Variants in IMPG1 observed in about 807,000 individuals in gnomAD.
The protein encoded by IMPG1 is interphotoreceptor matrix proteoglycan of 150 kDa.
In IMPG1, 85 loss-of-function variants were observed where a neutral mutation model predicts 92.0. That is an observed-to-expected ratio of 0.92 (90% confidence interval 0.78 to 1.11). IMPG1 has a LOEUF of 1.11. IMPG1 is among the 50% of genes least tolerant of loss of function. IMPG1 has a pLI of 0.00. For synonymous variants in IMPG1, 367 were observed against 334.1 expected, an observed-to-expected ratio of 1.10 and a Z score of -1.08; for missense variants, 1,022 against 956.0, an observed-to-expected ratio of 1.07 and a Z score of -0.91.
At chr6:76,029,595 CTG>C (rs1451915820) in intron 4 of IMPG1, among the ~76,000 whole-genome samples, 1 of 152,158 alleles carries the variant, frequency 6.6e-6, no homozygotes, top group Non-Finnish European at 1.5e-5. Flanking sequence ...CAATCTCTGG[CTG>C]CAGCTCAGAA....
At chr6:75,944,698 T>C (rs544326768) in intron 14 of IMPG1, among the ~76,000 whole-genome samples, 1 of 152,382 alleles carries the variant, frequency 6.6e-6, no homozygotes, top group East Asian at 1.9e-4. Flanking sequence ...AAGTGCTTAG[T>C]GTAACATTCA....
At chr6:76,055,082 G>A (rs548868249) in intron 1 of IMPG1, among the ~76,000 whole-genome samples, 4 of 152,102 alleles carry the variant, frequency 2.6e-5, no homozygotes, top group South Asian at 2.1e-4. Flanking sequence ...TAATGGACAT[G>A]TATGAGGCAT....
intron 1 of IMPG1, among the ~76,000 whole-genome samples, chr6:76,051,988 A>G (rs1182336072): frequency 6.6e-6 from 1 of 152,126 alleles, no homozygotes; most frequent in African/African-American, 2.4e-5. Context: ...CACAAGAAAA[A>G]AAAAAAGAAA....
rs1781940481 is a variant in IMPG1 at position 75,947,185 on chromosome 6, G to T, written c.2044+129C>A. The T allele has an allele frequency of 1.0e-5, 7 of 680,146 alleles. 1 individual carries two copies. The Admixed American group carries it at 1.3e-4, about 13-fold the overall frequency. 42.1% of individuals were successfully genotyped at this position (680,146 alleles called of 1,614,324 possible). On this transcript the variant is annotated intron_variant, in intron 14 of 16. Transcript: ENST00000369950. ...TGATGTGCTCCATAGCTTCCAAAAGGTTATTTCATCTGGTATCATTTCAGT... is the reference window on the plus strand; with the variant it reads ...TGATGTGCTCCATAGCTTCCAAAAGTTTATTTCATCTGGTATCATTTCAGT...
At chr6:76,053,917 C>T (rs1784081163) in intron 1 of IMPG1, among the ~76,000 whole-genome samples, 1 of 152,052 alleles carries the variant, frequency 6.6e-6, no homozygotes, top group Middle Eastern at 3.2e-3. Context: ...ATTCTAACTA[C>T]TCAAGCAGAG....
At chr6:76,026,776 C>T (rs540869817) in intron 4 of IMPG1, among the ~76,000 whole-genome samples, 9 of 152,118 alleles carry the variant, frequency 5.9e-5, no homozygotes, top group Non-Finnish European at 1.2e-4. Context: ...TCCCCTTTAG[C>T]AGGCCAGACC....
At chr6:75,985,557 T>A (rs1389326396) in intron 12 of IMPG1, among the ~76,000 whole-genome samples, 1 of 152,224 alleles carries the variant, frequency 6.6e-6, no homozygotes, top group African/African-American at 2.4e-5. Flanking sequence ...TGAAAAAAAT[T>A]AATAAATTTC....
intron 13 of IMPG1, among the ~76,000 whole-genome samples, chr6:75,949,524 T>A (rs1479062172): frequency 6.6e-6 from 1 of 152,250 alleles, no homozygotes; most frequent in Non-Finnish European, 1.5e-5. Flanking sequence ...CCCTCGGGGC[T>A]GCTCTGTCTA....
chr6:75,924,720 AATATAATT>A lies in IMPG1; in HGVS notation c.2244-1022_2244-1015del, dbSNP rs1209541009. On this transcript the variant is annotated intron_variant, in intron 15 of 16. Coordinates refer to ENST00000369950, the MANE Select transcript of IMPG1 (RefSeq NM_001563.4). ...TAATTATATATAATATATAATATAT[AATATAATT>A]ATATATAATATATAATATATAATAT... Among the ~76,000 whole-genome samples, 23 of 2,496 alleles carry A rather than the reference AATATAATT, an allele frequency of 9.2e-3. 6 individuals carry two copies. Among genetic ancestry groups the A allele is most frequent in the African/African-American group, 0.023 (23 of 1,006 alleles). The allele number at this position is 2,496 out of a possible 152,430, so 1.6% of individuals were successfully genotyped here.
At chr6:76,065,050 A>T (rs893881575) in intron 1 of IMPG1, among the ~76,000 whole-genome samples, 1 of 152,010 alleles carries the variant, frequency 6.6e-6, no homozygotes, top group African/African-American at 2.4e-5. Flanking sequence ...ACTATAATGT[A>T]TATACAACAT....
chr6:76,069,811 T>C (rs1784377100), intron 1 of IMPG1, among the ~76,000 whole-genome samples: 1 of 151,304 alleles, frequency 6.6e-6, no homozygotes, highest in African/African-American at 2.4e-5. Context: ...AAACCAAAAA[T>C]GAAATCATGT....
At chr6:75,952,620 C>A (rs1238400333) in intron 12 of IMPG1, among the ~76,000 whole-genome samples, 1 of 152,086 alleles carries the variant, frequency 6.6e-6, no homozygotes, top group African/African-American at 2.4e-5. Flanking sequence ...TTAAAATCTC[C>A]ATTGCTATGG....
intron 12 of IMPG1, among the ~76,000 whole-genome samples, chr6:75,977,610 A>C (rs1273750848): frequency 3.3e-5 from 5 of 151,602 alleles, no homozygotes; most frequent in South Asian, 2.1e-4. Flanking sequence ...AACAAAAAAA[A>C]ACCCCCAAAA....
chr6:75,943,904 C>T (rs1456226069), intron 14 of IMPG1, among the ~76,000 whole-genome samples: 1 of 152,212 alleles, frequency 6.6e-6, no homozygotes, highest in Admixed American at 6.5e-5. Context: ...AGAAACTTGT[C>T]CTTAAAAAGT....
intron 12 of IMPG1, among the ~76,000 whole-genome samples, chr6:75,961,497 C>A (rs758433409): frequency 6.6e-6 from 1 of 152,032 alleles, no homozygotes; most frequent in Non-Finnish European, 1.5e-5. Context: ...ATTCTGGCCC[C>A]AAAGAGCTTA....
intron 12 of IMPG1, among the ~76,000 whole-genome samples, chr6:75,966,631 A>G (rs1782311954): frequency 6.6e-6 from 1 of 152,194 alleles, no homozygotes; most frequent in Non-Finnish European, 1.5e-5. Flanking sequence ...TGTGACAGTA[A>G]CATAGAATGG....
chr6:76,034,727 C>T lies in IMPG1; in HGVS notation c.362G>A (p.Gly121Glu). The change falls in exon 3 of 17, where the codon GGG becomes GAG. Residue 121 changes from glycine (G) to glutamate (E), a missense_variant. By Grantham distance (98) the Gly-to-Glu change is moderately conservative. This residue lies in a region of IMPG1 where 681 missense variants were observed against 583.6 expected (regional missense o/e 1.17). Coordinates refer to ENST00000369950, the MANE Select transcript of IMPG1 (RefSeq NM_001563.4). ...RIFLDRIPDT[G>E]EYQDWVSICQ... ...GATGCTGACCCAGTCCTGATATTCC[C>T]CTGTGTCAGGGATGCGATCCAGAAA... 1 of 1,614,000 alleles carries T rather than the reference C, an allele frequency of 6.2e-7. No individual in the cohort carries two copies. The highest frequency in any genetic ancestry group is 2.2e-5 in the East Asian group (1 of 44,862).
intron 7 of IMPG1, among the ~76,000 whole-genome samples, chr6:76,014,327 C>A (rs1310107855): frequency 6.6e-6 from 1 of 152,194 alleles, no homozygotes; most frequent in Non-Finnish European, 1.5e-5. Context: ...TTTAGTTAGT[C>A]ATTTTTGAAA....
chr6:75,973,119 G>A (rs953591859), intron 12 of IMPG1, among the ~76,000 whole-genome samples: 3 of 152,082 alleles, frequency 2.0e-5, no homozygotes, highest in Non-Finnish European at 4.4e-5. Context: ...CTGGAATTAC[G>A]GGGACATACT....
Sources: gnomAD v4.1 joint callset for allele counts (sites outside exome capture counted in the v4.1 genomes callset) on GRCh38, gnomAD v4.1.1 for gene constraint, gnomAD v4.1.1 regional missense constraint, MANE v1.5 for transcripts, NCBI Gene and HGNC (gene_info 2026-07-23, HGNC 2026-07-21) for gene names.